CLNK: variants seen among roughly 807,000 people sequenced by gnomAD.
CLNK encodes cytokine dependent hematopoietic cell linker, also known as cytokine-dependent hematopoietic cell linker.
Under a neutral mutation model 68.6 loss-of-function variants are expected in CLNK, and 74 were observed. The observed-to-expected ratio is 1.08, with a 90% CI of 0.89 to 1.31. The LOEUF is 1.31. Among genes scored for constraint, CLNK ranks in the 50% most tolerant of loss-of-function variants. The pLI is 0.00. For synonymous variants in CLNK, 198 were observed against 172.2 expected (o/e 1.15, Z -1.17); for missense variants, 553 against 515.3 (o/e 1.07, Z -0.71).
At chr4:10,636,235 G>T (rs530016278) in intron 2 of CLNK, among the ~76,000 whole-genome samples, 1 of 152,328 alleles carries the variant, frequency 6.6e-6, no homozygotes, top group South Asian at 2.1e-4. Context: ...TCATCTTGGA[G>T]TAGGGTGGGT....
At chr4:10,520,703 TG>T in intron 15 of CLNK, 87 bp downstream of exon 15, 2 of 929,314 alleles carry the variant, frequency 2.2e-6, no homozygotes, top group Non-Finnish European at 3.5e-6. Context: ...TCAGTGGCTC[TG>T]GGGTTCACAA....
chr4:10,550,813 T>G (rs1355911297), intron 8 of CLNK, among the ~76,000 whole-genome samples: 1 of 152,222 alleles, frequency 6.6e-6, no homozygotes, highest in East Asian at 1.9e-4. Flanking sequence ...ACCTTTTCAC[T>G]TAAAGGAATC....
chr4:10,546,908 C>T (rs1296855119), intron 8 of CLNK, among the ~76,000 whole-genome samples: 1 of 152,150 alleles, frequency 6.6e-6, no homozygotes, highest in East Asian at 1.9e-4. Flanking sequence ...ACTGCAGAGT[C>T]CTGAGGCAGT....
intron 13 of CLNK, among the ~76,000 whole-genome samples, chr4:10,527,436 G>A (rs1025271377): frequency 6.6e-6 from 1 of 152,186 alleles, no homozygotes; most frequent in Non-Finnish European, 1.5e-5. Context: ...TTGGTGGCAG[G>A]CCTCTGAAAT....
At chr4:10,732,579 T>A in the CLNK span, among the ~76,000 whole-genome samples, 1 of 152,130 alleles carries the variant, frequency 6.6e-6, no homozygotes, top group East Asian at 1.9e-4. Flanking sequence ...GGGACTAGCC[T>A]TTTACATTCC....
At chr4:10,589,010 T>G (rs1239528961) in intron 3 of CLNK, among the ~76,000 whole-genome samples, 2 of 152,174 alleles carry the variant, frequency 1.3e-5, no homozygotes, top group African/African-American at 4.8e-5. Context: ...CAAGATATAC[T>G]GGACAGCATA....
At chr4:10,547,325 A>G (rs984664165) in intron 8 of CLNK, among the ~76,000 whole-genome samples, 3 of 152,188 alleles carry the variant, frequency 2.0e-5, no homozygotes, top group African/African-American at 7.2e-5. Context: ...TATCACTGAC[A>G]TAGAAGAGCT....
In CLNK at chr4:10,487,927, A is replaced by G. The variant is rs1716422774; in HGVS notation, c.*2540T>C. ...CTTTCTCAAACATTAACCTCCAATC[A>G]GTGTTTGCACTTCTAACTTTGTCCT... On this transcript the variant is annotated 3_prime_UTR_variant, in exon 19 of 19. Transcript: ENST00000226951. The G allele has an allele frequency of 2.0e-5, 3 of 152,042 alleles. No individual in the cohort carries two copies. Among genetic ancestry groups the G allele is most frequent in the Admixed American group, 2.0e-4 (3 of 15,270 alleles). 9.4% of individuals were successfully genotyped at this position (152,042 alleles called of 1,614,324 possible).
intron 15 of CLNK, among the ~76,000 whole-genome samples, chr4:10,520,203 A>G (rs1411810126): frequency 6.6e-6 from 1 of 152,090 alleles, no homozygotes; most frequent in Non-Finnish European, 1.5e-5. Flanking sequence ...CAGTCATAGA[A>G]CTCTGTATTT....
chr4:10,562,671 T>C (rs1430296355), intron 7 of CLNK, among the ~76,000 whole-genome samples: 2 of 152,236 alleles, frequency 1.3e-5, no homozygotes, highest in African/African-American at 4.8e-5. Flanking sequence ...CCCAAAGTGC[T>C]GAGATTACAG....
At chr4:10,713,694 G>T in the CLNK span, among the ~76,000 whole-genome samples, 2 of 152,094 alleles carry the variant, frequency 1.3e-5, no homozygotes, top group African/African-American at 4.8e-5. Flanking sequence ...TGCCTTCCCT[G>T]CAATAATGAG....
intron 3 of CLNK, among the ~76,000 whole-genome samples, chr4:10,586,826 G>A (rs1401118599): frequency 6.6e-6 from 1 of 152,110 alleles, no homozygotes; most frequent in African/African-American, 2.4e-5. Context: ...TGCCTACATG[G>A]CACTTGATTC....
the CLNK span, among the ~76,000 whole-genome samples, chr4:10,694,091 A>G: frequency 9.2e-5 from 14 of 151,924 alleles, no homozygotes; most frequent in Non-Finnish European, 1.9e-4. Context: ...CGAGGAAACC[A>G]TTCCTAGGCC....
intron 5 of CLNK, among the ~76,000 whole-genome samples, chr4:10,570,501 A>C (rs1381516943): frequency 6.6e-6 from 1 of 152,200 alleles, no homozygotes; most frequent in Non-Finnish European, 1.5e-5. Flanking sequence ...AGGAGTCTTA[A>C]CTAGAGGTTC....
chr4:10,651,505 A>T (rs1723734844), intron 2 of CLNK, among the ~76,000 whole-genome samples: 1 of 152,230 alleles, frequency 6.6e-6, no homozygotes, highest in Admixed American at 6.5e-5. Context: ...CAATGGGAAC[A>T]CATGGACACA....
chr4:10,658,327 G>A (rs1724058680), intron 2 of CLNK, among the ~76,000 whole-genome samples: 1 of 152,230 alleles, frequency 6.6e-6, no homozygotes, highest in Admixed American at 6.5e-5. Context: ...TAACAGCAAA[G>A]GCCCTTGCAT....
chr4:10,677,128 A>C (rs1400004199), intron 1 of CLNK, among the ~76,000 whole-genome samples: 4 of 152,086 alleles, frequency 2.6e-5, no homozygotes, highest in African/African-American at 9.7e-5. Flanking sequence ...CTGAAGGCAA[A>C]TTTTAGAGGA....
chr4:10,642,602 C>T (rs144278888), intron 2 of CLNK, among the ~76,000 whole-genome samples: 2 of 152,104 alleles, frequency 1.3e-5, no homozygotes, highest in Admixed American at 6.5e-5. Flanking sequence ...CATCTTGGAC[C>T]TGTATGCATG....
At chr4:10,508,976 G>A (rs745885234) in intron 16 of CLNK, among the ~76,000 whole-genome samples, 5 of 151,996 alleles carry the variant, frequency 3.3e-5, no homozygotes, top group African/African-American at 9.7e-5. Context: ...GTGTAGTGAC[G>A]TGTGCCTATA....
Sources: allele counts gnomAD v4.1 joint callset (sites outside exome capture counted in the v4.1 genomes callset), GRCh38; gene constraint gnomAD v4.1.1; transcripts MANE v1.5; gene names NCBI Gene and HGNC (gene_info 2026-07-23, HGNC 2026-07-21).